NEK6: variants seen among roughly 807,000 people sequenced by gnomAD.
NEK6 encodes NIMA related kinase 6, also known as serine/threonine-protein kinase Nek6.
Under a neutral mutation model 43.5 loss-of-function variants are expected in NEK6, and 27 were observed. That is an observed-to-expected ratio of 0.62 (90% confidence interval 0.46 to 0.86). The LOEUF (loss-of-function observed/expected upper bound fraction) is 0.86, where lower values mean the gene tolerates loss of function less well. Among genes scored for constraint, NEK6 ranks in the 40% least tolerant of loss-of-function variants. NEK6 has a pLI of 0.00. For synonymous variants in NEK6, 167 were observed against 164.1 expected (o/e 1.02, Z -0.14); for missense variants, 318 against 414.4 (o/e 0.77, Z 2.02).
At chr9:124,266,668 G>A (rs1413770197) in intron 1 of NEK6, among the ~76,000 whole-genome samples, 1 of 152,248 alleles carries the variant, frequency 6.6e-6, no homozygotes, top group Admixed American at 6.5e-5. Context: ...CCACAACAGT[G>A]TTCTCCATGG....
At chr9:124,282,580 C>T (rs148708604) in intron 1 of NEK6, among the ~76,000 whole-genome samples, 3 of 151,526 alleles carry the variant, frequency 2.0e-5, no homozygotes, top group Admixed American at 6.8e-5. Flanking sequence ...CAGAGTCTGG[C>T]GGGGGAACGC....
chr9:124,269,117 A>G (rs973344644), intron 1 of NEK6, among the ~76,000 whole-genome samples: 5 of 152,104 alleles, frequency 3.3e-5, no homozygotes, highest in African/African-American at 1.2e-4. Context: ...CACTGATACC[A>G]TGTCATTGAA....
intron 5 of NEK6, among the ~76,000 whole-genome samples, chr9:124,325,611 T>G (rs758476864): frequency 6.8e-4 from 104 of 152,256 alleles, no homozygotes; most frequent in Non-Finnish European, 3.1e-4. Flanking sequence ...AGCTGAGCCG[T>G]GGCTGTCACA....
intron 4 of NEK6, among the ~76,000 whole-genome samples, chr9:124,316,152 C>T (rs897677622): frequency 7.2e-5 from 11 of 152,222 alleles, no homozygotes; most frequent in Non-Finnish European, 1.2e-4. Flanking sequence ...CAAAAGGAAA[C>T]GTGGTTTTCG....
At chr9:124,349,989 G>T (rs913445115) in intron 9 of NEK6, among the ~76,000 whole-genome samples, 6 of 152,216 alleles carry the variant, frequency 3.9e-5, no homozygotes, top group African/African-American at 1.4e-4. Context: ...AGCCTAACGG[G>T]CCTGCGCAGC....
intron 1 of NEK6, among the ~76,000 whole-genome samples, chr9:124,287,970 G>C (rs1375395526): frequency 1.3e-5 from 2 of 152,232 alleles, no homozygotes; most frequent in South Asian, 2.1e-4. Context: ...AGACAGTGGG[G>C]GAGGGGGCCA....
intron 2 of NEK6, among the ~76,000 whole-genome samples, chr9:124,302,563 T>G (rs1464039903): frequency 2.6e-5 from 4 of 152,242 alleles, no homozygotes; most frequent in African/African-American, 9.6e-5. Context: ...CCTCTCGCTC[T>G]CTCTAGATAC....
Position 124,323,182 on chromosome 9 carries a change from G to C in NEK6, c.405+1613G>C, listed in dbSNP as rs150471627. On this transcript the variant is annotated intron_variant, in intron 5 of 9. Coordinates refer to ENST00000320246, the MANE Select transcript of NEK6 (RefSeq NM_014397.6). ...AACAGACCCTCGAATGAGTAGTTAG[G>C]AGCCAGTGTGAACAAGCCATGTGCA... Among the ~76,000 whole-genome samples, 168 of 152,356 alleles carry C rather than the reference G, an allele frequency of 1.1e-3. 1 individual carries two copies. Among genetic ancestry groups the C allele is most frequent in the African/African-American group, 3.8e-3 (159 of 41,578 alleles).
intron 9 of NEK6, among the ~76,000 whole-genome samples, chr9:124,348,506 A>G (rs1830079174): frequency 1.3e-5 from 2 of 152,112 alleles, no homozygotes; most frequent in South Asian, 2.1e-4. Context: ...AAGTGTAGAT[A>G]CATGTTCACA....
chr9:124,326,026 A>C lies in NEK6; in HGVS notation c.406-304A>C, dbSNP rs1294061333. ...AAAAATGCAGTTGAGGGCCACTTTC[A>C]GCATATTTGAGCTGGGTGTCCATGC... On this transcript the variant is annotated intron_variant, in intron 5 of 9. Coordinates refer to ENST00000320246, the MANE Select transcript of NEK6 (RefSeq NM_014397.6). This position sits in a 1 kb window ranked among gnomAD's most constrained non-coding sequence, Gnocchi z 4.5. Among the ~76,000 whole-genome samples, 4 of 152,242 alleles carry C rather than the reference A, an allele frequency of 2.6e-5. No homozygotes were observed. The highest frequency in any genetic ancestry group is 4.1e-4 in the South Asian group (2 of 4,824).
Position 124,312,554 on chromosome 9 carries a change from C to T in NEK6, c.136C>T (p.Gln46Ter). The T allele has an allele frequency of 6.2e-7, 1 of 1,614,178 alleles. No individual in the cohort carries two copies. The highest frequency in any genetic ancestry group is 8.5e-7 in the Non-Finnish European group (1 of 1,180,020). The change falls in exon 3 of 10, where the codon CAG becomes TAG. Residue 46 changes from glutamine to a stop codon, truncating the protein, a stop_gained. Coordinates refer to ENST00000320246, the MANE Select transcript of NEK6 (RefSeq NM_014397.6). LOFTEE classifies it high-confidence loss of function. ...TTTTCGCTGCTCGCTGGCGGACTTCCAGATCGAAAAGAAGATAGGCCGAGG... is the reference window on the plus strand; with the variant it reads ...TTTTCGCTGCTCGCTGGCGGACTTCTAGATCGAAAAGAAGATAGGCCGAGG... ...LSFRCSLADF[Q>*]IEKKIGRGQF... is the part of the protein sequence containing the mutation.
chr9:124,258,956 A>G (rs1830918860), intron 1 of NEK6, among the ~76,000 whole-genome samples: 1 of 152,236 alleles, frequency 6.6e-6, no homozygotes, highest in Non-Finnish European at 1.5e-5. Context: ...CTCTCCAGCC[A>G]GGCCTGGGGG....
At chr9:124,333,713 G>T (rs1380536981) in intron 7 of NEK6, among the ~76,000 whole-genome samples, 1 of 151,088 alleles carries the variant, frequency 6.6e-6, no homozygotes, top group Non-Finnish European at 1.5e-5. Context: ...TTGGACTGGA[G>T]ATCCAGATTT....
Position 124,308,097 on chromosome 9 carries a change from G to A in NEK6, c.91-4412G>A, listed in dbSNP as rs191470466. On this transcript the variant is annotated intron_variant, in intron 2 of 9. Coordinates refer to ENST00000320246, the MANE Select transcript of NEK6 (RefSeq NM_014397.6). Reference sequence around the variant, plus strand: ...TCCATTTAACCCCCAGCAGCCCCCTGAAGGGGGTACTGTTATGATCTCCTC... The same window carrying A: ...TCCATTTAACCCCCAGCAGCCCCCTAAAGGGGGTACTGTTATGATCTCCTC... 4.9e-3 allele frequency among the ~76,000 whole-genome samples: 743 copies of A among 152,306 alleles called. 7 individuals are homozygous for A. Among genetic ancestry groups the A allele is most frequent in the Admixed American group, 0.015 (235 of 15,306 alleles).
intron 4 of NEK6, among the ~76,000 whole-genome samples, chr9:124,318,495 A>C (rs570998150): frequency 1.3e-5 from 2 of 152,002 alleles, no homozygotes; most frequent in Non-Finnish European, 2.9e-5. Flanking sequence ...CTTCAGCCTC[A>C]TGAAGTGCTG....
At chr9:124,276,720 C>T (rs1047728626) in intron 1 of NEK6, among the ~76,000 whole-genome samples, 12 of 152,250 alleles carry the variant, frequency 7.9e-5, no homozygotes, top group African/African-American at 2.7e-4. Flanking sequence ...AATTCCTCCT[C>T]CTATTGCTAT....
At chr9:124,258,776 C>T (rs1830910654) in intron 1 of NEK6, among the ~76,000 whole-genome samples, 1 of 152,200 alleles carries the variant, frequency 6.6e-6, no homozygotes, top group Non-Finnish European at 1.5e-5. Flanking sequence ...CCTGGCTGGG[C>T]CTGACAGAGG....
chr9:124,317,437 G>C (rs1833873365), intron 4 of NEK6, among the ~76,000 whole-genome samples: 1 of 152,070 alleles, frequency 6.6e-6, no homozygotes, highest in East Asian at 1.9e-4. Flanking sequence ...GGTCTTGAAC[G>C]CCTGACCTCA....
intron 7 of NEK6, among the ~76,000 whole-genome samples, chr9:124,335,981 T>C (rs748883453): frequency 6.6e-6 from 1 of 152,140 alleles, no homozygotes; most frequent in Non-Finnish European, 1.5e-5. Flanking sequence ...GGCTCATGCC[T>C]GTAATTCCAG....
Sources: gnomAD v4.1 joint callset for allele counts (sites outside exome capture counted in the v4.1 genomes callset) on GRCh38, gnomAD v4.1.1 for gene constraint, Gnocchi (gnomAD v3.1) non-coding constraint, MANE v1.5 for transcripts, NCBI Gene and HGNC (gene_info 2026-07-23, HGNC 2026-07-21) for gene names.